The following PCBP3 variants were observed in gnomAD, a reference collection of about 807,000 sequenced individuals.
PCBP3 encodes poly(rC) binding protein 3, also known as poly(rC)-binding protein 3.
PCBP3 carries 25 observed loss-of-function variants against 52.7 expected under a neutral mutation model. The ratio of observed to expected loss-of-function variants is 0.47; its 90% confidence interval spans 0.35 to 0.66. The LOEUF (loss-of-function observed/expected upper bound fraction) is 0.66, where lower values mean the gene tolerates loss of function less well. Ranked by LOEUF, PCBP3 falls within the 30% of genes least tolerant of loss-of-function variation. The probability of loss-of-function intolerance (pLI) is 0.01; values close to 1 mark genes in which losing one functional copy is unlikely to be tolerated. For missense variants in PCBP3, 391 were observed against 490.3 expected (o/e 0.80, Z 1.91); for synonymous variants, 162 against 183.0 (o/e 0.89, Z 0.93).
intron 5 of PCBP3, among the ~76,000 whole-genome samples, chr21:45,878,357 T>C (rs2095319661): frequency 6.6e-6 from 1 of 152,246 alleles, no homozygotes; most frequent in South Asian, 2.1e-4. Context: ...AGGATGCAAG[T>C]GCAGTAAGTT....
intron 4 of PCBP3, among the ~76,000 whole-genome samples, chr21:45,807,021 G>A (rs2092527092): frequency 6.6e-6 from 1 of 152,100 alleles, no homozygotes; most frequent in Non-Finnish European, 1.5e-5. Flanking sequence ...TTCCTTTCAA[G>A]AAAGTCAGCT....
intron 1 of PCBP3, among the ~76,000 whole-genome samples, chr21:45,653,065 T>G (rs761530058): frequency 6.6e-6 from 1 of 152,208 alleles, no homozygotes; most frequent in Non-Finnish European, 1.5e-5. Context: ...ATATGCATAT[T>G]TTCTTGTTTT....
intron 1 of PCBP3, among the ~76,000 whole-genome samples, chr21:45,661,295 C>T (rs896643307): frequency 2.6e-5 from 4 of 152,000 alleles, no homozygotes; most frequent in African/African-American, 9.7e-5. Context: ...TTCTCATTCC[C>T]CACCCCCTCT....
In PCBP3 at chr21:45,900,762, T is replaced by C. The variant is rs561099763; in HGVS notation, c.222+139T>C. On this transcript the variant is annotated intron_variant, in intron 8 of 17. Coordinates refer to ENST00000681687, the MANE Select transcript of PCBP3 (RefSeq NM_001384156.1). Reference sequence around the variant, plus strand: ...GGGGAGTGCAGTGCGGGGCCTCTTTTCCCCTACTCAGGCCTCCTGTGCTCC... The same window carrying C: ...GGGGAGTGCAGTGCGGGGCCTCTTTCCCCCTACTCAGGCCTCCTGTGCTCC... The C allele has an allele frequency of 1.5e-5, 11 of 736,654 alleles. No homozygotes were observed. The South Asian group carries it at 1.8e-4, about 12-fold the overall frequency. 45.6% of individuals were successfully genotyped at this position (736,654 alleles called of 1,614,324 possible).
chr21:45,909,709 C>CCCCCCCCGCCCACTGCCCAGATA, intron 10 of PCBP3, among the ~76,000 whole-genome samples: 1 of 150,892 alleles, frequency 6.6e-6, no homozygotes, highest in East Asian at 2.0e-4. Context: ...AGATACGGAC[C>CCCCCCCCGCCCACTGCCCAGATA]CGGCCACCCA....
At chr21:45,645,941 G>A (rs552430498) in intron 1 of PCBP3, among the ~76,000 whole-genome samples, 2 of 152,292 alleles carry the variant, frequency 1.3e-5, no homozygotes, top group African/African-American at 4.8e-5. Flanking sequence ...TAGAATAAAT[G>A]CTGTAGATTT....
intron 2 of PCBP3, among the ~76,000 whole-genome samples, chr21:45,692,358 C>A (rs1381128163): frequency 6.6e-6 from 1 of 150,476 alleles, no homozygotes; most frequent in African/African-American, 2.4e-5. Context: ...TTGAAAAGAT[C>A]AACAGAATCT....
intron 2 of PCBP3, among the ~76,000 whole-genome samples, chr21:45,688,008 G>A (rs1451538469): frequency 1.3e-5 from 2 of 152,110 alleles, no homozygotes; most frequent in Non-Finnish European, 2.9e-5. Flanking sequence ...TGGGATTACA[G>A]GCATGAGCCA....
chr21:45,672,301 A>C (rs1231846432), intron 2 of PCBP3, among the ~76,000 whole-genome samples: 1 of 152,112 alleles, frequency 6.6e-6, no homozygotes, highest in Admixed American at 6.5e-5. Context: ...GTAAGAAGTA[A>C]ATTCCTTTTC....
intron 2 of PCBP3, among the ~76,000 whole-genome samples, chr21:45,706,944 A>G (rs1054632244): frequency 2.0e-5 from 3 of 152,254 alleles, no homozygotes; most frequent in African/African-American, 4.8e-5. Flanking sequence ...TGGTAAAAAG[A>G]TGACAGAAAA....
chr21:45,884,808 A>C (rs1266671169), intron 5 of PCBP3, among the ~76,000 whole-genome samples: 1 of 152,178 alleles, frequency 6.6e-6, no homozygotes, highest in African/African-American at 2.4e-5. Flanking sequence ...TGCTGTCAAC[A>C]TTTCACCAGT....
At chr21:45,832,091 ATT>A (rs2093464832) in intron 4 of PCBP3, among the ~76,000 whole-genome samples, 1 of 152,198 alleles carries the variant, frequency 6.6e-6, no homozygotes, top group South Asian at 2.1e-4. Flanking sequence ...GCTGGTGCCC[ATT>A]TTTATGGTTC....
intron 1 of PCBP3, among the ~76,000 whole-genome samples, chr21:45,647,642 GTGGAGGCTGGAGGTA>G (rs1222397996): frequency 6.6e-6 from 1 of 152,176 alleles, no homozygotes; most frequent in Admixed American, 6.5e-5. Context: ...GTGTAGTGGT[GTGGAGGCTGGAGGTA>G]TGGAAGCATA....
intron 4 of PCBP3, among the ~76,000 whole-genome samples, chr21:45,770,638 G>A (rs762001957): frequency 5.9e-5 from 9 of 152,162 alleles, no homozygotes; most frequent in African/African-American, 2.2e-4. Flanking sequence ...ATTTTTCACC[G>A]GGATCTCCTT....
rs1225210870 is a variant in PCBP3, at chr21:45,737,035, G to C, written c.-162+1606G>C. On this transcript the variant is annotated intron_variant, in intron 3 of 17. Transcript: ENST00000681687. The surrounding 1 kb of genome is among the most constrained non-coding windows in gnomAD (Gnocchi z 4.9). ...AGGAGGTGAGGAGCTGCAGGGCCAA[G>C]GGGGTTTGGAGCAGAAGCTCGGGTC... Among the ~76,000 whole-genome samples, 1 of 152,132 alleles carries C rather than the reference G, an allele frequency of 6.6e-6. No individual in the cohort carries two copies. Among genetic ancestry groups the C allele is most frequent in the African/African-American group, 2.4e-5 (1 of 41,422 alleles).
chr21:45,803,509 C>G (rs2092383888), intron 4 of PCBP3, among the ~76,000 whole-genome samples: 2 of 152,140 alleles, frequency 1.3e-5, no homozygotes, highest in African/African-American at 4.8e-5. Flanking sequence ...ACCCTTTCTC[C>G]AAGAATCCTG....
At chr21:45,869,980 C>T (rs1358944308) in intron 5 of PCBP3, among the ~76,000 whole-genome samples, 2 of 152,246 alleles carry the variant, frequency 1.3e-5, no homozygotes, top group Non-Finnish European at 2.9e-5. Context: ...GTTAGTCACA[C>T]TTCAGACTTT....
chr21:45,913,930 C>T, intron 11 of PCBP3, 21 bp from the exon 12 acceptor site: 2 of 1,600,852 alleles, frequency 1.2e-6, no homozygotes, highest in Non-Finnish European at 1.7e-6. Context: ...CTCTCTCTCC[C>T]TCTCCTGTCC....
chr21:45,867,508 G>A (rs1569372572), intron 5 of PCBP3, among the ~76,000 whole-genome samples: 1 of 152,240 alleles, frequency 6.6e-6, no homozygotes. Context: ...GGAGGGTGCG[G>A]GCCGTGAAGG....
Sources: allele counts gnomAD v4.1 joint callset (sites outside exome capture counted in the v4.1 genomes callset), GRCh38; gene constraint gnomAD v4.1.1; non-coding constraint Gnocchi (gnomAD v3.1); transcripts MANE v1.5; gene names NCBI Gene and HGNC (gene_info 2026-07-23, HGNC 2026-07-21).